TSPAN9: variants seen among roughly 807,000 people sequenced by gnomAD.
TSPAN9 encodes tetraspanin 9, also known as tetraspanin-9.
A neutral mutation model predicts 31.0 loss-of-function variants in TSPAN9; 16 were observed. That is an observed-to-expected ratio of 0.52 (90% CI 0.35 to 0.78). TSPAN9 has a LOEUF of 0.78. Among genes scored for constraint, TSPAN9 ranks in the 30% least tolerant of loss-of-function variants. The probability of loss-of-function intolerance (pLI) is 0.01; values close to 1 mark genes in which losing one functional copy is unlikely to be tolerated. For synonymous variants in TSPAN9, 145 were observed against 121.6 expected (o/e 1.19, Z -1.27); for missense variants, 272 against 312.5 (o/e 0.87, Z 0.98).
chr12:3,222,323 T>TTG (rs780511752), intron 3 of TSPAN9, among the ~76,000 whole-genome samples: 33 of 152,168 alleles, frequency 2.2e-4, no homozygotes, highest in Non-Finnish European at 3.7e-4. Context: ...GGTCCATAAC[T>TTG]TGTACTTTCA....
intron 2 of TSPAN9, among the ~76,000 whole-genome samples, chr12:3,148,628 A>T (rs1019488842): frequency 1.1e-4 from 17 of 152,342 alleles, no homozygotes; most frequent in Admixed American, 1.1e-3. Flanking sequence ...CTCTTTGTGG[A>T]ATCCAGAGAC....
chr12:3,272,258 G>A (rs1862693787), intron 3 of TSPAN9, among the ~76,000 whole-genome samples: 1 of 152,196 alleles, frequency 6.6e-6, no homozygotes, highest in Non-Finnish European at 1.5e-5. Flanking sequence ...GGCACTGGGG[G>A]TTCCAGGAGT....
chr12:3,255,453 A>G (rs768935298), intron 3 of TSPAN9, among the ~76,000 whole-genome samples: 7 of 152,212 alleles, frequency 4.6e-5, no homozygotes, highest in South Asian at 2.1e-4. Context: ...ACCCAGCTCT[A>G]TTATTAAACT....
chr12:3,244,622 C>G (rs745687831), intron 3 of TSPAN9, among the ~76,000 whole-genome samples: 1 of 152,194 alleles, frequency 6.6e-6, no homozygotes, highest in Non-Finnish European at 1.5e-5. Flanking sequence ...AGGCAGACAG[C>G]GAGCGCCAGT....
At chr12:3,226,702 G>A (rs1427200471) in intron 3 of TSPAN9, among the ~76,000 whole-genome samples, 10 of 39,876 alleles carry the variant, frequency 2.5e-4, no homozygotes, top group East Asian at 1.7e-3. Context: ...GTGTGTGTGT[G>A]TGTGTATGTG....
chr12:3,089,164 G>A (rs1312781486), intron 2 of TSPAN9, among the ~76,000 whole-genome samples: 4 of 150,772 alleles, frequency 2.7e-5, no homozygotes, highest in East Asian at 4.0e-4. Flanking sequence ...CCTGGGAGGT[G>A]GAGCTTGCAG....
chr12:3,105,599 G>C (rs1357865928), intron 2 of TSPAN9, among the ~76,000 whole-genome samples: 1 of 151,946 alleles, frequency 6.6e-6, no homozygotes, highest in Non-Finnish European at 1.5e-5. Flanking sequence ...TGGATTTGGG[G>C]GTGCTTCCTT....
chr12:3,168,088 C>T lies in TSPAN9; in HGVS notation c.-17-33089C>T, dbSNP rs2098349556. Among the ~76,000 whole-genome samples the T allele has an allele frequency of 6.6e-6, 1 of 152,144 alleles. No individual in the cohort carries two copies. Among genetic ancestry groups the T allele is most frequent in the African/African-American group, 2.4e-5 (1 of 41,384 alleles). On this transcript the variant is annotated intron_variant, in intron 2 of 8. Transcript: ENST00000011898. The surrounding 1 kb of genome is among the most constrained non-coding windows in gnomAD (Gnocchi z 4.0). ...CAGCAGGAGATACCCTCCCATGTCA[C>T]TCATTCTGTGCCACAGAAGCCCAGG...
In TSPAN9 at chr12:3,285,018, T is replaced by G. The variant is rs1862987011; in HGVS notation, c.*1902T>G. Reference sequence around the variant, plus strand: ...TGGAGAGTAGGGTGGTCTTGTGAGTTGTGCAGGGTGAAGACCGCTTCCCTG... The same window carrying G: ...TGGAGAGTAGGGTGGTCTTGTGAGTGGTGCAGGGTGAAGACCGCTTCCCTG... On this transcript the variant is annotated 3_prime_UTR_variant, in exon 9 of 9. Coordinates refer to ENST00000011898, the MANE Select transcript of TSPAN9 (RefSeq NM_006675.5). 2 of 152,184 alleles carry G rather than the reference T, an allele frequency of 1.3e-5. No individual in the cohort carries two copies. Among genetic ancestry groups the G allele is most frequent in the African/African-American group, 4.8e-5 (2 of 41,432 alleles). The allele number at this position is 152,184 out of a possible 1,614,324, so 9.4% of individuals were successfully genotyped here. A position where few individuals can be genotyped will look rare whatever the true frequency, so the allele number is the denominator to read the frequency against.
At chr12:3,186,387 A>G (rs2098361318) in intron 2 of TSPAN9, among the ~76,000 whole-genome samples, 1 of 152,134 alleles carries the variant, frequency 6.6e-6, no homozygotes, top group African/African-American at 2.4e-5. Flanking sequence ...AGAAGATGCC[A>G]TTTGAGTGGA....
Position 3,283,115 on chromosome 12 carries a change from G to T in TSPAN9, c.719G>T (p.Ter240LeuextTer31). Residue 240 changes from the stop codon to leucine (L), a stop_lost, in exon 9 of 9, where the codon TGA becomes TTA. Transcript: ENST00000011898. ...IHRTGKKYDA[*>L] ...CGGACTGGTAAGAAGTACGACGCAT[G>T]AGCGGGCTGGCCGGGAGTGCCCACC... 1 of 1,608,170 alleles carries T rather than the reference G, an allele frequency of 6.2e-7. No homozygotes were observed.
In TSPAN9 at chr12:3,247,299, G is replaced by GCC. The variant is rs61516990; in HGVS notation, c.64-31110_64-31109dup. On this transcript the variant is annotated intron_variant, in intron 3 of 8. Coordinates refer to ENST00000011898, the MANE Select transcript of TSPAN9 (RefSeq NM_006675.5). ...TGTGGCTGATGAGCATTACTGGCCA[G>GCC]CCCCCCCCCCCCCGCCACCCGCGTC... Among the ~76,000 whole-genome samples, 15 of 37,456 alleles carry GCC rather than the reference G, an allele frequency of 4.0e-4. 1 individual carries two copies. The highest frequency in any genetic ancestry group is 5.0e-4 in the Non-Finnish European group (5 of 9,982). 24.6% of individuals were successfully genotyped at this position (37,456 alleles called of 152,430 possible). A position where few individuals can be genotyped will look rare whatever the true frequency, so the allele number is the denominator to read the frequency against.
At chr12:3,246,585 A>C (rs1862132815) in intron 3 of TSPAN9, among the ~76,000 whole-genome samples, 1 of 152,206 alleles carries the variant, frequency 6.6e-6, no homozygotes, top group Non-Finnish European at 1.5e-5. Context: ...TTCCTCCCTC[A>C]GTGCCAGGGA....
chr12:3,279,137 G>T (rs1411354267), intron 5 of TSPAN9, 71 bp downstream of exon 5: 1 of 1,421,650 alleles, frequency 7.0e-7, no homozygotes, highest in Non-Finnish European at 9.9e-7. Context: ...GCAGGCCAGG[G>T]TCCCTTCCCT....
At chr12:3,181,311 G>T (rs1371946373) in intron 2 of TSPAN9, among the ~76,000 whole-genome samples, 1 of 152,196 alleles carries the variant, frequency 6.6e-6, no homozygotes, top group Non-Finnish European at 1.5e-5. Context: ...AACTGTGTGT[G>T]GTTGGACATT....
intron 1 of TSPAN9, among the ~76,000 whole-genome samples, chr12:3,080,491 C>T (rs2098297344): frequency 6.6e-6 from 1 of 152,040 alleles, no homozygotes; most frequent in Admixed American, 6.6e-5. Flanking sequence ...CCCGCCATCA[C>T]CCTCGGCTAA....
At chr12:3,148,460 G>A (rs2098338293) in intron 2 of TSPAN9, among the ~76,000 whole-genome samples, 1 of 152,188 alleles carries the variant, frequency 6.6e-6, no homozygotes, top group African/African-American at 2.4e-5. Flanking sequence ...CAGGATGCTG[G>A]GGTTCCTCCT....
At chr12:3,239,814 A>G (rs1279874786) in intron 3 of TSPAN9, among the ~76,000 whole-genome samples, 1 of 151,980 alleles carries the variant, frequency 6.6e-6, no homozygotes, top group Non-Finnish European at 1.5e-5. Flanking sequence ...GGATTCCTTG[A>G]TGGGGAATAA....
intron 2 of TSPAN9, among the ~76,000 whole-genome samples, chr12:3,127,169 G>A (rs551397151): frequency 2.6e-5 from 4 of 151,836 alleles, no homozygotes; most frequent in Admixed American, 2.0e-4. Flanking sequence ...GGGAGGCTGA[G>A]GCAGGAGGAT....
Sources: gnomAD v4.1 joint callset for allele counts (sites outside exome capture counted in the v4.1 genomes callset) on GRCh38, gnomAD v4.1.1 for gene constraint, Gnocchi (gnomAD v3.1) non-coding constraint, MANE v1.5 for transcripts, NCBI Gene and HGNC (gene_info 2026-07-23, HGNC 2026-07-21) for gene names.